METTL15: variants seen among roughly 807,000 people sequenced by gnomAD.
The protein encoded by METTL15 is 12S rRNA N(4)-cytidine methyltransferase METTL15.
METTL15 carries 34 observed loss-of-function variants against 38.3 expected under a neutral mutation model. That is an observed-to-expected ratio of 0.89 (90% CI 0.68 to 1.18). The LOEUF is 1.18. Among genes scored for constraint, METTL15 ranks in the 50% most tolerant of loss-of-function variants. METTL15 has a pLI of 0.00. For synonymous variants in METTL15, 162 were observed against 170.9 expected, an observed-to-expected ratio of 0.95 and a Z score of 0.41; for missense variants, 438 against 498.4, an observed-to-expected ratio of 0.88 and a Z score of 1.15.
At chr11:28,455,922 G>T (rs1371848650) in intron 6 of METTL15, among the ~76,000 whole-genome samples, 1 of 152,064 alleles carries the variant, frequency 6.6e-6, no homozygotes, top group Non-Finnish European at 1.5e-5. Flanking sequence ...TAGCCAGGAT[G>T]GTCTCAATCT....
chr11:28,523,029 C>T (rs1282632144), intron 6 of METTL15, among the ~76,000 whole-genome samples: 1 of 152,130 alleles, frequency 6.6e-6, no homozygotes, highest in Admixed American at 6.5e-5. Context: ...GGATGCGGTT[C>T]TTGCCTTTAT....
chr11:28,275,108 T>C (rs1363099789), intron 4 of METTL15, among the ~76,000 whole-genome samples: 1 of 150,600 alleles, frequency 6.6e-6, no homozygotes, highest in Non-Finnish European at 1.5e-5. Context: ...GAAGAAAATA[T>C]ATAAAAAGAT....
At chr11:28,160,077 G>A (rs1385757828) in intron 3 of METTL15, among the ~76,000 whole-genome samples, 1 of 152,034 alleles carries the variant, frequency 6.6e-6, no homozygotes, top group Non-Finnish European at 1.5e-5. Context: ...AAAAGAGCAG[G>A]CAGAAAAATG....
At chr11:28,293,149 G>A (rs1172766940) in intron 5 of METTL15, among the ~76,000 whole-genome samples, 1 of 152,142 alleles carries the variant, frequency 6.6e-6, no homozygotes, top group Non-Finnish European at 1.5e-5. Flanking sequence ...GTCCTGAATG[G>A]TATTGCCTAG....
intron 3 of METTL15, among the ~76,000 whole-genome samples, chr11:28,130,628 AT>A (rs1852725412): frequency 6.6e-6 from 1 of 152,102 alleles, no homozygotes; most frequent in Non-Finnish European, 1.5e-5. Flanking sequence ...AGGTCACTGG[AT>A]TTGAGGTGTA....
chr11:28,481,883 T>G (rs1371098672), intron 6 of METTL15, among the ~76,000 whole-genome samples: 1 of 152,196 alleles, frequency 6.6e-6, no homozygotes, highest in Non-Finnish European at 1.5e-5. Context: ...TCCTGATTTT[T>G]GACACTTGTT....
chr11:28,443,051 A>C (rs1017750251), intron 6 of METTL15, among the ~76,000 whole-genome samples: 1 of 152,186 alleles, frequency 6.6e-6, no homozygotes, highest in South Asian at 2.1e-4. Flanking sequence ...TTACCCATAC[A>C]CTAGTCAAGA....
In METTL15 at chr11:28,261,932, T is replaced by G. The variant is rs117135726; in HGVS notation, c.408-28274T>G. ...CTATTGCTGTCTATGTTTTTGTAGA[T>G]GAAGAAACTAAGACATAAAGAGGTT... On this transcript the variant is annotated intron_variant, in intron 4 of 6. Transcript: ENST00000407364. 1.6e-3 allele frequency among the ~76,000 whole-genome samples: 243 copies of G among 152,274 alleles called. 1 individual carries two copies. The highest frequency in any genetic ancestry group is 3.4e-3 in the Middle Eastern group (1 of 294).
chr11:28,474,189 A>G (rs912036135), intron 6 of METTL15, among the ~76,000 whole-genome samples: 35 of 151,888 alleles, frequency 2.3e-4, no homozygotes, highest in Middle Eastern at 3.4e-3. Context: ...AACAGAAAAT[A>G]TTTATTACAA....
chr11:28,508,721 T>C (rs1851650223), intron 6 of METTL15, among the ~76,000 whole-genome samples: 1 of 152,210 alleles, frequency 6.6e-6, no homozygotes, highest in Non-Finnish European at 1.5e-5. Context: ...TGTATAATCA[T>C]CAGGTTACTC....
Position 28,110,295 on chromosome 11 carries a change from T to G in METTL15, c.-124T>G, listed in dbSNP as rs1851662739. The G allele has an allele frequency of 6.6e-6, 1 of 152,108 alleles. No homozygotes were observed. The highest frequency in any genetic ancestry group is 1.5e-5 in the Non-Finnish European group (1 of 68,032). 9.4% of individuals were successfully genotyped at this position (152,108 alleles called of 1,614,324 possible). ...CCCAATCTGTCCGTCCTTACAAGTT[T>G]CCCCCAGGGGCAGGACCTAGACGCG... is the stretch of plus-strand genomic sequence containing the variant. On this transcript the variant is annotated 5_prime_UTR_variant, in exon 2 of 7. Transcript: ENST00000407364.
chr11:28,460,256 T>C (rs182983588), intron 6 of METTL15, among the ~76,000 whole-genome samples: 9 of 152,084 alleles, frequency 5.9e-5, no homozygotes, highest in Non-Finnish European at 1.3e-4. Flanking sequence ...TTACTTGTAA[T>C]GGACATTTGT....
chr11:28,122,568 A>T (rs1024314935), intron 3 of METTL15, among the ~76,000 whole-genome samples: 2 of 151,528 alleles, frequency 1.3e-5, no homozygotes, highest in African/African-American at 4.8e-5. Context: ...ATATATATGT[A>T]TATAGGTGTG....
chr11:28,446,547 A>G (rs937648692), intron 6 of METTL15, among the ~76,000 whole-genome samples: 1 of 152,150 alleles, frequency 6.6e-6, no homozygotes, highest in Non-Finnish European at 1.5e-5. Flanking sequence ...GGCTAAAGAA[A>G]AAAAACCTTA....
chr11:28,379,953 A>G (rs996374869), intron 5 of METTL15, among the ~76,000 whole-genome samples: 1 of 152,164 alleles, frequency 6.6e-6, no homozygotes, highest in Non-Finnish European at 1.5e-5. Flanking sequence ...CTTTTTCATT[A>G]TATAGCAATC....
chr11:28,377,565 T>A (rs1850331424), intron 5 of METTL15, among the ~76,000 whole-genome samples: 1 of 151,452 alleles, frequency 6.6e-6, no homozygotes, highest in Non-Finnish European at 1.5e-5. Flanking sequence ...TTCTTCTAAA[T>A]TTTTTTCAAA....
chr11:28,456,675 C>T (rs184921040), intron 6 of METTL15, among the ~76,000 whole-genome samples: 109 of 152,176 alleles, frequency 7.2e-4, no homozygotes, highest in African/African-American at 2.6e-3. Context: ...CTCCTGACCT[C>T]ATGATCCACC....
At chr11:28,153,158 C>G (rs1850150569) in intron 3 of METTL15, among the ~76,000 whole-genome samples, 2 of 152,032 alleles carry the variant, frequency 1.3e-5, no homozygotes, top group South Asian at 4.1e-4. Flanking sequence ...GTGACTATAT[C>G]TTGTGCTGAC....
At chr11:28,181,259 A>ATTTTTTTTTTTTTT (rs71449171) in intron 3 of METTL15, among the ~76,000 whole-genome samples, 68 of 133,774 alleles carry the variant, frequency 5.1e-4, no homozygotes, top group Non-Finnish European at 7.4e-4. Flanking sequence ...TTAATTTTTA[A>ATTTTTTTTTTTTTT]TTTTTTTTTT....
Sources: gnomAD v4.1 joint callset for allele counts (sites outside exome capture counted in the v4.1 genomes callset) on GRCh38, gnomAD v4.1.1 for gene constraint, MANE v1.5 for transcripts, NCBI Gene and HGNC (gene_info 2026-07-23, HGNC 2026-07-21) for gene names.